The following PRDM1 variants were observed in gnomAD, a reference collection of about 807,000 sequenced individuals.
PRDM1 encodes PR/SET domain 1.
PRDM1 carries 13 observed loss-of-function variants against 62.8 expected under a neutral mutation model. That is an observed-to-expected ratio of 0.21 (90% CI 0.13 to 0.33). PRDM1 has a LOEUF of 0.33. PRDM1 is among the 10% of genes least tolerant of loss of function. PRDM1 has a pLI of 1.00. For missense variants in PRDM1, 895 were observed against 1,058.8 expected (o/e 0.85, Z 2.15); for synonymous variants, 396 against 417.6 (o/e 0.95, Z 0.63).
Position 106,105,040 on chromosome 6 carries a change from T to G in PRDM1, c.880T>G (p.Tyr294Asp), listed in dbSNP as rs2114651639. The G allele has an allele frequency of 6.2e-7, 1 of 1,614,134 alleles. No individual in the cohort carries two copies. Among genetic ancestry groups the G allele is most frequent in the Non-Finnish European group, 8.5e-7 (1 of 1,180,020 alleles). The change falls in exon 5 of 7, where the codon TAC becomes GAC. Residue 294 changes from tyrosine to aspartate, a missense_variant. This residue lies in a region of PRDM1 where 444 missense variants were observed against 422.7 expected (regional missense o/e 1.05). Transcript: ENST00000369096. ...ACGTGGGAGCCCCGAAATGCCCTTCTACCCTCGGGTCGTTTACCCCATCCG... is the reference window on the plus strand; with the variant it reads ...ACGTGGGAGCCCCGAAATGCCCTTCGACCCTCGGGTCGTTTACCCCATCCG... Reference protein sequence around the residue: ...RRRGSPEMPFYPRVVYPIRAP... With the variant: ...RRRGSPEMPFDPRVVYPIRAP...
chr6:106,052,327 AG>A (rs1307416853), intron 1 of PRDM1, among the ~76,000 whole-genome samples: 3 of 152,200 alleles, frequency 2.0e-5, no homozygotes, highest in African/African-American at 7.2e-5. Flanking sequence ...TTTCTTAAGT[AG>A]ACTGAATATT....
At chr6:106,031,176 A>T (rs1772839305) in intron 1 of PRDM1, among the ~76,000 whole-genome samples, 2 of 152,220 alleles carry the variant, frequency 1.3e-5, no homozygotes, top group African/African-American at 4.8e-5. Flanking sequence ...ATATATATTG[A>T]ACAACTTCTG....
chr6:106,005,924 G>A (rs1251623238), intron 1 of PRDM1, among the ~76,000 whole-genome samples: 1 of 152,190 alleles, frequency 6.6e-6, no homozygotes, highest in Non-Finnish European at 1.5e-5. Context: ...TAATCCTGTG[G>A]ATCCAGAAAG....
intron 1 of PRDM1, chr6:106,087,681 T>A: frequency 4.3e-6 from 1 of 232,948 alleles, no homozygotes. Context: ...GTGGGAAAGT[T>A]CGGTCTTCCC....
At chr6:105,996,703 G>GT (rs1562140720) in intron 1 of PRDM1, among the ~76,000 whole-genome samples, 4 of 152,104 alleles carry the variant, frequency 2.6e-5, no homozygotes, top group Admixed American at 6.5e-5. Flanking sequence ...TTAAATAAAA[G>GT]TTTTTTTAAA....
chr6:105,994,439 G>T lies in PRDM1; in HGVS notation c.-67+800G>T, dbSNP rs949245282. Among the ~76,000 whole-genome samples the T allele has an allele frequency of 2.0e-5, 3 of 151,396 alleles. No homozygotes were observed. The highest frequency in any genetic ancestry group is 7.3e-5 in the African/African-American group (3 of 41,174). On this transcript the variant is annotated intron_variant, in intron 1 of 6. Coordinates refer to the PRDM1 transcript ENST00000652320. The surrounding 1 kb of genome is among the most constrained non-coding windows in gnomAD (Gnocchi z 4.1). ...CGCTGGAAGACGAGCGGGGACGCGT[G>T]ACAGCGCGGGGATAGCTTTTCTATT...
intron 1 of PRDM1, among the ~76,000 whole-genome samples, chr6:106,028,107 G>A (rs988314323): frequency 6.6e-6 from 1 of 152,064 alleles, no homozygotes; most frequent in African/African-American, 2.4e-5. Context: ...ATTCTCTTAA[G>A]GCTGATTAAG....
chr6:105,998,339 C>T (rs1296503788), intron 1 of PRDM1, among the ~76,000 whole-genome samples: 1 of 152,002 alleles, frequency 6.6e-6, no homozygotes, highest in East Asian at 1.9e-4. Flanking sequence ...ATTGTTTGAG[C>T]CTAGGAGTTC....
rs1333923733 is a variant in PRDM1 at position 106,108,972 on chromosome 6, T to C, written c.*1486T>C. ...AAAGATTACATGTTGGTGTTCAAAG[T>C]GTAGCAAAAAATGATGTATATTTAT... On this transcript the variant is annotated 3_prime_UTR_variant, in exon 7 of 7. Coordinates refer to ENST00000369096, the MANE Select transcript of PRDM1 (RefSeq NM_001198.4). 9.0e-6 allele frequency: 2 copies of C among 223,094 alleles called. No homozygotes were observed. Among genetic ancestry groups the C allele is most frequent in the Non-Finnish European group, 1.8e-5 (2 of 111,824 alleles). The allele number at this position is 223,094 out of a possible 1,614,324, so 13.8% of individuals were successfully genotyped here.
intron 2 of PRDM1, among the ~76,000 whole-genome samples, chr6:106,094,920 C>T (rs917708185): frequency 6.6e-6 from 1 of 151,726 alleles, no homozygotes; most frequent in Non-Finnish European, 1.5e-5. Context: ...CACACACACA[C>T]ACACACACAC....
At chr6:106,001,315 A>G (rs952175056) in intron 1 of PRDM1, among the ~76,000 whole-genome samples, 2 of 152,098 alleles carry the variant, frequency 1.3e-5, no homozygotes, top group Non-Finnish European at 2.9e-5. Context: ...ATTTTCCTAA[A>G]TCTTTGGTTT....
chr6:106,018,236 G>A (rs761359898), intron 1 of PRDM1, among the ~76,000 whole-genome samples: 12 of 152,066 alleles, frequency 7.9e-5, no homozygotes, highest in Non-Finnish European at 1.0e-4. Flanking sequence ...GTAATGGAAC[G>A]TATAGTTATT....
At chr6:105,996,537 C>A (rs1005212185) in intron 1 of PRDM1, among the ~76,000 whole-genome samples, 1 of 152,034 alleles carries the variant, frequency 6.6e-6, no homozygotes, top group Non-Finnish European at 1.5e-5. Flanking sequence ...GAAGTTAATA[C>A]GTTTTCTATA....
At position 106,107,586 on chromosome 6, in the gene PRDM1, C is replaced by T. The variant is rs1774534426; in HGVS notation, c.*100C>T. 2.8e-6 allele frequency: 3 copies of T among 1,059,640 alleles called. No individual in the cohort carries two copies. The highest frequency in any genetic ancestry group is 4.0e-6 in the Non-Finnish European group (3 of 754,724). 65.6% of individuals were successfully genotyped at this position (1,059,640 alleles called of 1,614,324 possible). On this transcript the variant is annotated 3_prime_UTR_variant, in exon 7 of 7. Coordinates refer to ENST00000369096, the MANE Select transcript of PRDM1 (RefSeq NM_001198.4). ...TACATAATCCCAGCTCTGCAAAGCT[C>T]TCTCGACAGCAAATGGTTTCCCCTC...
intron 1 of PRDM1, among the ~76,000 whole-genome samples, chr6:106,039,583 G>A (rs1449241143): frequency 2.0e-5 from 3 of 152,096 alleles, no homozygotes; most frequent in Non-Finnish European, 4.4e-5. Context: ...AACAACCACA[G>A]CTATTTTTTT....
In PRDM1 at chr6:106,099,515, C is replaced by T. The variant is rs1774206232; in HGVS notation, c.627C>T (p.His209=). Residue 209 remains histidine, a synonymous_variant, in exon 4 of 7, where the codon CAC becomes CAT. Transcript: ENST00000369096. ...GTCGGGACTTTGCAGAAAGGCTTCA[C>T]TACCCTTATCCCGGAGAGCTGACAA... The part of the protein sequence containing the change: ...WYCRDFAERL[H]YPYPGELTMM... 1.2e-6 allele frequency: 2 copies of T among 1,614,070 alleles called. No individual in the cohort carries two copies. The highest frequency in any genetic ancestry group is 1.3e-5 in the African/African-American group (1 of 74,920).
At chr6:106,056,256 G>A (rs1042753350) in intron 1 of PRDM1, among the ~76,000 whole-genome samples, 1 of 152,112 alleles carries the variant, frequency 6.6e-6, no homozygotes, top group Non-Finnish European at 1.5e-5. Flanking sequence ...CCTCAGCAGC[G>A]AAATGGGAGA....
chr6:106,091,878 C>A (rs1435010059), intron 2 of PRDM1, among the ~76,000 whole-genome samples: 3 of 152,170 alleles, frequency 2.0e-5, no homozygotes, highest in Non-Finnish European at 2.9e-5. Context: ...TGATTGCAGG[C>A]TGAAGGTCTT....
intron 1 of PRDM1, among the ~76,000 whole-genome samples, chr6:106,014,019 G>A (rs1772587748): frequency 6.8e-6 from 1 of 148,002 alleles, no homozygotes; most frequent in Non-Finnish European, 1.5e-5. Flanking sequence ...TTTACTGTCT[G>A]TCTCTCCAAC....
Sources: allele counts gnomAD v4.1 joint callset (sites outside exome capture counted in the v4.1 genomes callset), GRCh38; gene constraint gnomAD v4.1.1; regional missense constraint gnomAD v4.1.1; non-coding constraint Gnocchi (gnomAD v3.1); transcripts MANE v1.5; gene names NCBI Gene and HGNC (gene_info 2026-07-23, HGNC 2026-07-21).